Variants in ANO10 observed in about 807,000 individuals in gnomAD.
ANO10 encodes the protein anoctamin 10, also known as anoctamin-10.
In ANO10, 77 loss-of-function variants were observed where a neutral mutation model predicts 74.7. The ratio of observed to expected loss-of-function variants is 1.03; its 90% CI spans 0.86 to 1.25. The LOEUF (loss-of-function observed/expected upper bound fraction) is 1.25, where lower values mean the gene tolerates loss of function less well. Among genes scored for constraint, ANO10 ranks in the 50% most tolerant of loss-of-function variants. The pLI is 0.00. For synonymous variants in ANO10, 279 were observed against 284.9 expected (o/e 0.98, Z 0.21); for missense variants, 721 against 778.1 (o/e 0.93, Z 0.87).
intron 11 of ANO10, chr3:43,472,666 T>G (rs1418763269): frequency 6.6e-6 from 1 of 152,112 alleles, no homozygotes; most frequent in African/African-American, 2.4e-5. Flanking sequence ...GCTCTTCCTA[T>G]TTGACGTAGG....
chr3:43,544,757 C>T (rs932753229), intron 11 of ANO10, among the ~76,000 whole-genome samples: 4 of 146,542 alleles, frequency 2.7e-5, no homozygotes, highest in African/African-American at 1.0e-4. Flanking sequence ...TGTGCCACTG[C>T]ACTCCAGCCT....
chr3:43,480,264 A>C (rs1202829397), intron 11 of ANO10, among the ~76,000 whole-genome samples: 1 of 152,232 alleles, frequency 6.6e-6, no homozygotes, highest in Non-Finnish European at 1.5e-5. Flanking sequence ...AGAGGGCCAG[A>C]AATAAAGATA....
At chr3:43,481,200 A>G (rs950348791) in intron 11 of ANO10, among the ~76,000 whole-genome samples, 47 of 152,282 alleles carry the variant, frequency 3.1e-4, no homozygotes, top group African/African-American at 9.6e-4. Context: ...AAATTGGGAA[A>G]GGGCAGAGAC....
At chr3:43,595,012 G>C (rs2082005040) in intron 4 of ANO10, among the ~76,000 whole-genome samples, 1 of 152,194 alleles carries the variant, frequency 6.6e-6, no homozygotes, top group Admixed American at 6.5e-5. Context: ...AGAAAATCTA[G>C]AAGAAATGGA....
chr3:43,562,025 G>GA (rs1346975924), intron 8 of ANO10, among the ~76,000 whole-genome samples: 17 of 151,608 alleles, frequency 1.1e-4, no homozygotes, highest in Admixed American at 1.1e-3. Context: ...AAATAAAACA[G>GA]AAAAAAAATC....
intron 1 of ANO10, among the ~76,000 whole-genome samples, chr3:43,678,137 T>A (rs1320656522): frequency 6.6e-6 from 1 of 152,236 alleles, no homozygotes; most frequent in Admixed American, 6.5e-5. Flanking sequence ...TGAGCACTCT[T>A]ACATTAGCCT....
At chr3:43,571,759 GC>G (rs2080735490) in intron 7 of ANO10, among the ~76,000 whole-genome samples, 1 of 148,260 alleles carries the variant, frequency 6.7e-6, no homozygotes, top group Non-Finnish European at 1.5e-5. Context: ...TGGGTGCAGC[GC>G]ACCAGCATGG....
rs555195995 is a variant in ANO10, at chr3:43,587,976, G to A, written c.473-7504C>T. On this transcript the variant is annotated intron_variant, in intron 4 of 12. Coordinates refer to ENST00000292246, the MANE Select transcript of ANO10 (RefSeq NM_018075.5). ...ACCCAAACTGACCCCAGTAGTGATA[G>A]AAAGTCTAAACAAACCAATTTCCAT... Among the ~76,000 whole-genome samples the A allele has an allele frequency of 2.9e-3, 438 of 152,236 alleles. 2 individuals are homozygous for A. The highest frequency in any genetic ancestry group is 0.01 in the African/African-American group (425 of 41,546).
At chr3:43,369,296 G>A (rs1418423716) in intron 12 of ANO10, among the ~76,000 whole-genome samples, 1 of 152,244 alleles carries the variant, frequency 6.6e-6, no homozygotes, top group Non-Finnish European at 1.5e-5. Context: ...TGCCTGCCTT[G>A]CTCAGGGCAG....
Position 43,366,819 on chromosome 3 carries a change from GCTGCCCCGGGTACCCCCC to G in ANO10, c.*69_*86del. 2.2e-6 allele frequency: 3 copies of G among 1,367,526 alleles called. No individual in the cohort carries two copies. Among genetic ancestry groups the G allele is most frequent in the Non-Finnish European group, 2.0e-6 (2 of 982,066 alleles). 84.7% of individuals were successfully genotyped at this position (1,367,526 alleles called of 1,614,324 possible). On this transcript the variant is annotated 3_prime_UTR_variant, in exon 13 of 13. Transcript: ENST00000292246. ...TGGGTCTGGGTTCAGGAGCCACGAT[GCTGCCCCGGGTACCCCCC>G]CTGCCACCGTGGCAGGTGTGGCACA...
intron 11 of ANO10, among the ~76,000 whole-genome samples, chr3:43,463,127 G>A (rs978142390): frequency 1.3e-5 from 2 of 152,224 alleles, no homozygotes; most frequent in African/African-American, 4.8e-5. Flanking sequence ...CTCTACTGGA[G>A]CACTGTCTAA....
intron 11 of ANO10, among the ~76,000 whole-genome samples, chr3:43,493,790 C>T (rs113758058): frequency 0.14 from 21,057 of 152,156 alleles, 1,804 homozygotes; most frequent in African/African-American, 0.23. Context: ...GGCTGGAGTG[C>T]AGTAGCATGA....
intron 12 of ANO10, among the ~76,000 whole-genome samples, chr3:43,421,697 G>A (rs1388154038): frequency 1.3e-5 from 2 of 152,086 alleles, no homozygotes; most frequent in African/African-American, 2.4e-5. Flanking sequence ...TATTAGAGAG[G>A]TGTGGTGGCT....
chr3:43,594,889 G>C (rs2081998256), intron 4 of ANO10, among the ~76,000 whole-genome samples: 1 of 152,022 alleles, frequency 6.6e-6, no homozygotes, highest in Non-Finnish European at 1.5e-5. Flanking sequence ...GAAGAAAAGA[G>C]AGAAGAATCA....
chr3:43,570,693 T>A (rs2080657439), intron 7 of ANO10, among the ~76,000 whole-genome samples: 2 of 145,594 alleles, frequency 1.4e-5, no homozygotes, highest in Admixed American at 1.4e-4. Context: ...TCAAGATGGA[T>A]TAAAGACTTA....
At chr3:43,631,967 G>A (rs1359056544) in intron 1 of ANO10, among the ~76,000 whole-genome samples, 1 of 151,560 alleles carries the variant, frequency 6.6e-6, no homozygotes, top group East Asian at 1.9e-4. Context: ...CAGCTACTTG[G>A]GAGGCTGAGG....
At position 43,566,926 on chromosome 3, in the gene ANO10, A is replaced by C. The variant is rs6773400; in HGVS notation, c.1219-1199T>G. On this transcript the variant is annotated intron_variant, in intron 7 of 12. Coordinates refer to ENST00000292246, the MANE Select transcript of ANO10 (RefSeq NM_018075.5). ...TTCAAACCAAAGGCAAAGAAGTTGA[A>C]AACTTTGAAAAAAATTCAGAAGAAT... is the stretch of plus-strand genomic sequence containing the variant. 2.3e-3 allele frequency among the ~76,000 whole-genome samples: 352 copies of C among 152,280 alleles called. 2 individuals carry two copies. Among genetic ancestry groups the C allele is most frequent in the African/African-American group, 8.1e-3 (338 of 41,574 alleles).
intron 12 of ANO10, among the ~76,000 whole-genome samples, chr3:43,409,162 T>C (rs1559517431): frequency 6.6e-6 from 1 of 152,180 alleles, no homozygotes; most frequent in Admixed American, 6.5e-5. Context: ...ACATTATCAC[T>C]ACCACTACTA....
chr3:43,608,906 T>C (rs1168209187), intron 1 of ANO10, among the ~76,000 whole-genome samples: 1 of 152,150 alleles, frequency 6.6e-6, no homozygotes, highest in Admixed American at 6.5e-5. Flanking sequence ...AAGGAAATGA[T>C]TGCAAATGAT....
Sources: allele counts gnomAD v4.1 joint callset (sites outside exome capture counted in the v4.1 genomes callset), GRCh38; gene constraint gnomAD v4.1.1; transcripts MANE v1.5; gene names NCBI Gene and HGNC (gene_info 2026-07-23, HGNC 2026-07-21).